INPP4B: variants seen among roughly 807,000 people sequenced by gnomAD.
INPP4B encodes inositol polyphosphate-4-phosphatase type II B.
INPP4B carries 55 observed loss-of-function variants against 122.5 expected under a neutral mutation model. The observed-to-expected ratio is 0.45, with a 90% confidence interval of 0.36 to 0.56. INPP4B has a LOEUF of 0.56. Among genes scored for constraint, INPP4B ranks in the 20% least tolerant of loss-of-function variants. The pLI, the probability that INPP4B is intolerant of heterozygous loss-of-function variation, is 0.00. For missense variants in INPP4B, 1,000 were observed against 1,097.7 expected (o/e 0.91, Z 1.26); for synonymous variants, 403 against 388.7 (o/e 1.04, Z -0.43).
chr4:142,780,040 C>T (rs1421013836), intron 1 of INPP4B, among the ~76,000 whole-genome samples: 2 of 152,042 alleles, frequency 1.3e-5, no homozygotes, highest in African/African-American at 2.4e-5. Flanking sequence ...GAAATGAGCC[C>T]ATATTTACTA....
chr4:142,315,505 A>G (rs1266633937), intron 7 of INPP4B, among the ~76,000 whole-genome samples: 1 of 151,968 alleles, frequency 6.6e-6, no homozygotes, highest in Non-Finnish European at 1.5e-5. Context: ...GTGATTTTCA[A>G]TCCTGGCTGT....
intron 25 of INPP4B, among the ~76,000 whole-genome samples, chr4:142,051,719 T>C (rs996811784): frequency 5.9e-5 from 9 of 152,052 alleles, no homozygotes; most frequent in African/African-American, 2.2e-4. Context: ...TTTACCTAAA[T>C]TGATATCCAC....
chr4:142,076,057 G>A (rs1480214758), intron 25 of INPP4B, among the ~76,000 whole-genome samples: 1 of 151,992 alleles, frequency 6.6e-6, no homozygotes, highest in Non-Finnish European at 1.5e-5. Context: ...GGGAAGGTGT[G>A]GATAAAGCTG....
chr4:142,101,712 T>C (rs980498822), intron 23 of INPP4B, among the ~76,000 whole-genome samples: 3 of 152,158 alleles, frequency 2.0e-5, no homozygotes, highest in African/African-American at 4.8e-5. Context: ...CCCTCATGTG[T>C]ATCAATTTGT....
chr4:142,594,216 A>T (rs1738169753), intron 2 of INPP4B, among the ~76,000 whole-genome samples: 1 of 152,158 alleles, frequency 6.6e-6, no homozygotes, highest in Non-Finnish European at 1.5e-5. Context: ...ATTGCACCAG[A>T]CATTTCCCAG....
At chr4:142,535,066 G>A (rs1448467675) in intron 2 of INPP4B, among the ~76,000 whole-genome samples, 1 of 152,058 alleles carries the variant, frequency 6.6e-6, no homozygotes, top group African/African-American at 2.4e-5. Context: ...TTATCAAAAG[G>A]AAGTAAACAT....
At chr4:142,093,597 T>C (rs1385278128) in intron 23 of INPP4B, among the ~76,000 whole-genome samples, 1 of 152,198 alleles carries the variant, frequency 6.6e-6, no homozygotes, top group Non-Finnish European at 1.5e-5. Context: ...AAAATAATTA[T>C]AGTTAACTGT....
At position 142,263,639 on chromosome 4, in the gene INPP4B, A is replaced by AATATATATATATATAT. The variant is rs36227189; in HGVS notation, c.616-3091_616-3076dup. Among the ~76,000 whole-genome samples, 111 of 41,800 alleles carry AATATATATATATATAT rather than the reference A, an allele frequency of 2.7e-3. 10 individuals carry two copies. The highest frequency in any genetic ancestry group is 3.9e-3 in the African/African-American group (69 of 17,712). 27.4% of individuals were successfully genotyped at this position (41,800 alleles called of 152,430 possible). A position where few individuals can be genotyped will look rare whatever the true frequency, so the allele number is the denominator to read the frequency against. On this transcript the variant is annotated intron_variant, in intron 10 of 25. Coordinates refer to ENST00000262992, the MANE Select transcript of INPP4B (RefSeq NM_001101669.3). Reference sequence around the variant, plus strand: ...GACCACAAATGAGATAAATTCGTAAAATATATATATATATATATATATATA... The same window carrying AATATATATATATATAT: ...GACCACAAATGAGATAAATTCGTAAAATATATATATATATATATATATATATATATATATATATATA...
chr4:142,528,990 T>G (rs1827267528), intron 2 of INPP4B, among the ~76,000 whole-genome samples: 1 of 152,146 alleles, frequency 6.6e-6, no homozygotes, highest in South Asian at 2.1e-4. Flanking sequence ...CAGCAGTGTC[T>G]AAACAATTTT....
chr4:142,814,119 T>A (rs1779841708), intron 1 of INPP4B, among the ~76,000 whole-genome samples: 1 of 152,168 alleles, frequency 6.6e-6, no homozygotes, highest in African/African-American at 2.4e-5. Context: ...ATCAGGGTGT[T>A]CCACCATTAC....
At chr4:142,724,272 T>A (rs530867127) in intron 2 of INPP4B, among the ~76,000 whole-genome samples, 1 of 152,114 alleles carries the variant, frequency 6.6e-6, no homozygotes, top group Non-Finnish European at 1.5e-5. Context: ...TATATACATA[T>A]CTCTGAGAAA....
intron 2 of INPP4B, among the ~76,000 whole-genome samples, chr4:142,686,705 T>A (rs1759398147): frequency 6.6e-6 from 1 of 152,130 alleles, no homozygotes; most frequent in Non-Finnish European, 1.5e-5. Context: ...TCAGATAGCA[T>A]ACTTCAAACA....
intron 7 of INPP4B, among the ~76,000 whole-genome samples, chr4:142,364,754 T>G (rs1786773356): frequency 6.6e-6 from 1 of 152,036 alleles, no homozygotes; most frequent in Admixed American, 6.6e-5. Context: ...TTCAGGAGAC[T>G]GCAGAAGGAA....
chr4:142,075,049 T>G (rs924133327), intron 25 of INPP4B, among the ~76,000 whole-genome samples: 1 of 152,020 alleles, frequency 6.6e-6, no homozygotes, highest in Non-Finnish European at 1.5e-5. Flanking sequence ...TCTGTTCTTG[T>G]GGGAATTAGC....
At chr4:142,634,683 C>A (rs1748708237) in intron 2 of INPP4B, among the ~76,000 whole-genome samples, 2 of 151,904 alleles carry the variant, frequency 1.3e-5, no homozygotes. Context: ...TAAAAAAGAT[C>A]TGTGAAAAAA....
At chr4:142,028,965 A>G in intron 25 of INPP4B, 51 bp from the exon 26 acceptor site, 1 of 1,575,980 alleles carries the variant, frequency 6.3e-7, no homozygotes, top group Non-Finnish European at 8.6e-7. Context: ...ATAAATAAAT[A>G]TGCTTTATTT....
intron 25 of INPP4B, among the ~76,000 whole-genome samples, chr4:142,046,500 A>G (rs2152364967): frequency 6.6e-6 from 1 of 152,214 alleles, no homozygotes; most frequent in Admixed American, 6.6e-5. Context: ...GCGGGTAATC[A>G]ACTCAGGAGA....
At chr4:142,253,850 A>T (rs1733957570) in intron 11 of INPP4B, among the ~76,000 whole-genome samples, 1 of 152,158 alleles carries the variant, frequency 6.6e-6, no homozygotes, top group African/African-American at 2.4e-5. Context: ...GGTGGAGCCC[A>T]CCACAGCTCA....
At chr4:142,508,142 A>AGAAATGAGGGTAG (rs1580240364) in intron 2 of INPP4B, among the ~76,000 whole-genome samples, 1 of 152,166 alleles carries the variant, frequency 6.6e-6, no homozygotes, top group East Asian at 1.9e-4. Context: ...GGAAGCATCA[A>AGAAATGAGGGTAG]GAAATGAGGG....
Sources: gnomAD v4.1 joint callset for allele counts (sites outside exome capture counted in the v4.1 genomes callset) on GRCh38, gnomAD v4.1.1 for gene constraint, MANE v1.5 for transcripts, NCBI Gene and HGNC (gene_info 2026-07-23, HGNC 2026-07-21) for gene names.